The following FGD5 variants were observed in gnomAD, a reference collection of about 807,000 sequenced individuals.
FGD5 encodes FYVE, RhoGEF and PH domain-containing protein 5.
In FGD5, 28 loss-of-function variants were observed where a neutral mutation model predicts 133.4. The ratio of observed to expected loss-of-function variants is 0.21; its 90% CI spans 0.16 to 0.29. The LOEUF is 0.29. FGD5 is among the 10% of genes least tolerant of loss of function. FGD5 has a pLI of 1.00. For synonymous variants in FGD5, 810 were observed against 776.5 expected (o/e 1.04, Z -0.72); for missense variants, 1,858 against 1,895.2 (o/e 0.98, Z 0.36).
chr3:14,898,195 G>C (rs2038172790), intron 6 of FGD5, 100 bp downstream of exon 6: 1 of 1,493,806 alleles, frequency 6.7e-7, no homozygotes, highest in African/African-American at 1.4e-5. Context: ...GTAGGTGTGG[G>C]GCTGGGGAGC....
rs2038935968 is a variant in FGD5, at chr3:14,933,634, T to C, written c.*467T>C. On this transcript the variant is annotated 3_prime_UTR_variant, in exon 20 of 20. Coordinates refer to ENST00000285046, the MANE Select transcript of FGD5 (RefSeq NM_152536.4). ...AGCTACTCTCATCGAAAGCACTTTA[T>C]TATTTTACGGAGCTGCAACCTCCAA... is the stretch of plus-strand genomic sequence containing the variant. 6.2e-6 allele frequency: 1 copy of C among 161,484 alleles called. No individual in the cohort carries two copies. Among genetic ancestry groups the C allele is most frequent in the South Asian group, 1.7e-4 (1 of 5,884 alleles). The allele number at this position is 161,484 out of a possible 1,614,324, so 10.0% of individuals were successfully genotyped here. A position where few individuals can be genotyped will look rare whatever the true frequency, so the allele number is the denominator to read the frequency against.
At chr3:14,931,249 TG>T (rs1189035248) in intron 18 of FGD5, 1 of 152,230 alleles carries the variant, frequency 6.6e-6, no homozygotes, top group African/African-American at 2.4e-5. Flanking sequence ...GTTTTTTTGT[TG>T]TTGTTTTTGT....
At chr3:14,840,177 C>T (rs943592114) in intron 1 of FGD5, among the ~76,000 whole-genome samples, 6 of 150,924 alleles carry the variant, frequency 4.0e-5, no homozygotes, top group African/African-American at 1.5e-4. Flanking sequence ...GAATCTCGCT[C>T]TGTTGCCCAG....
At chr3:14,900,322 A>G in intron 7 of FGD5, 81 bp from the exon 8 acceptor site, 2 of 1,403,244 alleles carry the variant, frequency 1.4e-6, no homozygotes, top group Non-Finnish European at 2.0e-6. Context: ...CAACTCTGGC[A>G]AGAGAGGGGG....
intron 18 of FGD5, 117 bp from the exon 19 acceptor site, chr3:14,932,460 G>T (rs934628841): frequency 1.7e-6 from 2 of 1,209,002 alleles, no homozygotes; most frequent in Non-Finnish European, 2.3e-6. Context: ...TGAGCCCGAA[G>T]GTGCCAAAGC....
chr3:14,820,888 C>T lies in FGD5; in HGVS notation c.1817C>T (p.Thr606Ile). 6.2e-7 allele frequency: 1 copy of T among 1,613,754 alleles called. No homozygotes were observed. Among genetic ancestry groups the T allele is most frequent in the Non-Finnish European group, 8.5e-7 (1 of 1,179,850 alleles). ...SQRNHLPSSG[T>I]STPSSMVDIP... ...AGAAACCACCTTCCGTCCAGCGGCA[C>T]CTCCACGCCTTCTTCCATGGTCGAC... Residue 606 changes from threonine to isoleucine, a missense_variant, in exon 1 of 20, where the codon ACC (threonine) becomes ATC (isoleucine). Coordinates refer to ENST00000285046, the MANE Select transcript of FGD5 (RefSeq NM_152536.4).
At chr3:14,811,151 C>T (rs543524524) in intron 1 of FGD5, among the ~76,000 whole-genome samples, 3 of 152,258 alleles carry the variant, frequency 2.0e-5, no homozygotes, top group South Asian at 4.1e-4. Flanking sequence ...ACGGCGTTCC[C>T]CGGAGTGAGG....
chr3:14,908,755 C>G (rs2038386376), intron 10 of FGD5, among the ~76,000 whole-genome samples: 1 of 151,118 alleles, frequency 6.6e-6, no homozygotes, highest in Non-Finnish European at 1.5e-5. Flanking sequence ...ATGTGGTGGC[C>G]TGTAGTCCCA....
chr3:14,835,814 A>G (rs996672288), intron 1 of FGD5, among the ~76,000 whole-genome samples: 6 of 152,232 alleles, frequency 3.9e-5, no homozygotes, highest in African/African-American at 1.4e-4. Context: ...GCAAGTGTGC[A>G]GTGGCTAAGA....
chr3:14,897,352 C>T (rs1357066685), intron 4 of FGD5, 157 bp from the exon 5 acceptor site: 8 of 852,128 alleles, frequency 9.4e-6, no homozygotes, highest in Non-Finnish European at 1.4e-5. Context: ...GTCATCTCTG[C>T]TTTGTAGGTG....
chr3:14,923,284 G>A, intron 16 of FGD5, 109 bp downstream of exon 16: 2 of 1,440,610 alleles, frequency 1.4e-6, no homozygotes, highest in South Asian at 1.3e-5. Context: ...TTTCCCTGGA[G>A]GGAGTTATTC....
In FGD5 at chr3:14,864,167, G is replaced by T. The variant is rs758328437; in HGVS notation, c.2565G>T (p.Ser855=). 1 of 1,613,966 alleles carries T rather than the reference G, an allele frequency of 6.2e-7. No individual in the cohort carries two copies. Among genetic ancestry groups the T allele is most frequent in the Non-Finnish European group, 8.5e-7 (1 of 1,179,874 alleles). The change falls in exon 2 of 20, where the codon TCG becomes TCT. Residue 855 remains serine, a synonymous_variant. Coordinates refer to ENST00000285046, the MANE Select transcript of FGD5 (RefSeq NM_152536.4). Reference sequence around the variant, plus strand: ...CCTACAAAGTCTGTCCCATCTCGTCGGCAGCCCCCAAAGAGGACCTTACGT... The same window carrying T: ...CCTACAAAGTCTGTCCCATCTCGTCTGCAGCCCCCAAAGAGGACCTTACGT... ...TEPYKVCPIS[S]AAPKEDLTSD...
At chr3:14,905,148 T>C (rs2125138410) in intron 9 of FGD5, among the ~76,000 whole-genome samples, 1 of 152,290 alleles carries the variant, frequency 6.6e-6, no homozygotes. Flanking sequence ...GTGGAAGATA[T>C]TTTTCCTGGG....
chr3:14,905,056 C>T (rs1220565797), intron 9 of FGD5, among the ~76,000 whole-genome samples: 1 of 152,120 alleles, frequency 6.6e-6, no homozygotes, highest in Non-Finnish European at 1.5e-5. Flanking sequence ...TCCTCCCTTG[C>T]TTATCTGTAA....
chr3:14,899,864 A>G (rs1351472128), intron 7 of FGD5, among the ~76,000 whole-genome samples: 1 of 152,252 alleles, frequency 6.6e-6, no homozygotes, highest in Non-Finnish European at 1.5e-5. Flanking sequence ...CAGTAAAGCA[A>G]GGACATGAGC....
intron 1 of FGD5, among the ~76,000 whole-genome samples, chr3:14,831,102 GGCAGAGGGAATA>G (rs1188962586): frequency 1.2e-4 from 18 of 152,190 alleles, no homozygotes; most frequent in Admixed American, 1.2e-3. Context: ...GGGCATCCGA[GGCAGAGGGAATA>G]GCAGGAGCAA....
intron 9 of FGD5, among the ~76,000 whole-genome samples, chr3:14,903,211 G>C (rs1160438950): frequency 6.6e-6 from 1 of 152,092 alleles, no homozygotes; most frequent in Non-Finnish European, 1.5e-5. Context: ...CCCAGCCGCT[G>C]GTAACCATCA....
At position 14,819,687 on chromosome 3, in the gene FGD5, C is replaced by A; in HGVS notation, c.616C>A (p.Pro206Thr). 6.5e-7 allele frequency: 1 copy of A among 1,537,812 alleles called. No individual in the cohort carries two copies. Among genetic ancestry groups the A allele is most frequent in the Non-Finnish European group, 8.8e-7 (1 of 1,139,806 alleles). ...LPHIHGEDQE[P>T]PDTPGEAEED... ...TCACATCCATGGAGAGGACCAGGAG[C>A]CCCCCGACACCCCCGGGGAGGCAGA... The change falls in exon 1 of 20, where the codon CCC (proline) becomes ACC (threonine). Residue 206 changes from proline (P) to threonine (T), a missense_variant. Coordinates refer to ENST00000285046, the MANE Select transcript of FGD5 (RefSeq NM_152536.4). This position sits in a 1 kb window ranked among gnomAD's most constrained non-coding sequence, Gnocchi z 4.1.
intron 1 of FGD5, among the ~76,000 whole-genome samples, chr3:14,837,255 C>T (rs967889756): frequency 3.9e-4 from 60 of 152,174 alleles, no homozygotes; most frequent in African/African-American, 1.4e-3. Context: ...AAATAGGAGG[C>T]TGCTGTCTCC....
Sources: gnomAD v4.1 joint callset for allele counts (sites outside exome capture counted in the v4.1 genomes callset) on GRCh38, gnomAD v4.1.1 for gene constraint, Gnocchi (gnomAD v3.1) non-coding constraint, MANE v1.5 for transcripts, NCBI Gene and HGNC (gene_info 2026-07-23, HGNC 2026-07-21) for gene names.